The following PLEKHA1 variants were observed in gnomAD, a reference collection of about 807,000 sequenced individuals.
The protein encoded by PLEKHA1 is pleckstrin homology domain-containing family A member 1.
In PLEKHA1, 34 loss-of-function variants were observed where a neutral mutation model predicts 52.0. That is an observed-to-expected ratio of 0.65 (90% CI 0.50 to 0.87). The LOEUF (loss-of-function observed/expected upper bound fraction) is 0.87, where lower values mean the gene tolerates loss of function less well. Ranked by LOEUF, PLEKHA1 falls within the 40% of genes least tolerant of loss-of-function variation. The pLI is 0.00. For missense variants in PLEKHA1, 497 were observed against 504.2 expected (o/e 0.99, Z 0.14); for synonymous variants, 163 against 170.7 (o/e 0.95, Z 0.35).
intron 1 of PLEKHA1, 185 bp from the exon 2 acceptor site, chr10:122,392,996 A>T (rs2096797400): frequency 2.2e-6 from 1 of 444,860 alleles, no homozygotes; most frequent in South Asian, 5.4e-5. Flanking sequence ...TACATTTAGT[A>T]ACCACTCTTC....
intron 1 of PLEKHA1, among the ~76,000 whole-genome samples, chr10:122,378,392 C>A (rs1254094839): frequency 6.7e-6 from 1 of 149,702 alleles, no homozygotes; most frequent in Admixed American, 6.7e-5. Flanking sequence ...TGTCCCCCAC[C>A]CCCCATAACA....
intron 1 of PLEKHA1, among the ~76,000 whole-genome samples, chr10:122,389,454 C>T (rs959051651): frequency 1.3e-5 from 2 of 152,198 alleles, no homozygotes; most frequent in African/African-American, 4.8e-5. Flanking sequence ...AATTCCAACA[C>T]TTTGGGAGGC....
At chr10:122,382,597 C>T (rs1398042863) in intron 1 of PLEKHA1, among the ~76,000 whole-genome samples, 1 of 152,140 alleles carries the variant, frequency 6.6e-6, no homozygotes, top group African/African-American at 2.4e-5. Context: ...ATTGAAGATG[C>T]TTGTGTAAAT....
intron 1 of PLEKHA1, among the ~76,000 whole-genome samples, chr10:122,386,027 C>T (rs561500207): frequency 6.6e-6 from 1 of 152,266 alleles, no homozygotes; most frequent in Admixed American, 6.5e-5. Context: ...GGGTTGTTCG[C>T]TAAGGATCTG....
At chr10:122,377,616 A>G (rs1458938337) in intron 1 of PLEKHA1, among the ~76,000 whole-genome samples, 2 of 152,248 alleles carry the variant, frequency 1.3e-5, no homozygotes, top group Non-Finnish European at 2.9e-5. Flanking sequence ...TTTTAGAAAC[A>G]TAAAAATATG....
In PLEKHA1 at chr10:122,388,338, C is replaced by G. The variant is rs142526749; in HGVS notation, c.-20-4843C>G. Among the ~76,000 whole-genome samples, 56 of 152,282 alleles carry G rather than the reference C, an allele frequency of 3.7e-4. No homozygotes were observed. In the East Asian group the frequency reaches 0.011, roughly 29 times the overall value. On this transcript the variant is annotated intron_variant, in intron 1 of 11. Coordinates refer to ENST00000368990, the MANE Select transcript of PLEKHA1 (RefSeq NM_001001974.4). Reference sequence around the variant, plus strand: ...TAGGTAGTAGCATGTATCAGTACTTCATTCCTTTTTATGTCTGAAAAATAT... The same window carrying G: ...TAGGTAGTAGCATGTATCAGTACTTGATTCCTTTTTATGTCTGAAAAATAT...
At chr10:122,422,300 G>T (rs2097271259) in intron 8 of PLEKHA1, 1 of 152,092 alleles carries the variant, frequency 6.6e-6, no homozygotes, top group Non-Finnish European at 1.5e-5. Flanking sequence ...AAATTATGAT[G>T]GGAAACCTGG....
At chr10:122,376,132 G>C (rs192018728) in intron 1 of PLEKHA1, among the ~76,000 whole-genome samples, 35 of 152,258 alleles carry the variant, frequency 2.3e-4, no homozygotes, top group Non-Finnish European at 3.5e-4. Flanking sequence ...TTGTGAAACT[G>C]TGTTTTTCTT....
intron 1 of PLEKHA1, among the ~76,000 whole-genome samples, chr10:122,376,634 A>G (rs2096542341): frequency 6.6e-6 from 1 of 151,986 alleles, no homozygotes; most frequent in Non-Finnish European, 1.5e-5. Context: ...GAGGGGGGAA[A>G]GTAGCAGGTT....
In PLEKHA1 at chr10:122,393,309, G is replaced by A; in HGVS notation, c.109G>A (p.Asp37Asn). 1 of 1,612,342 alleles carries A rather than the reference G, an allele frequency of 6.2e-7. No individual in the cohort carries two copies. The highest frequency in any genetic ancestry group is 1.1e-5 in the South Asian group (1 of 90,526). The part of the protein sequence containing the change: ...RRYFILDTRE[D>N]SFVWYMDNPQ... ...GTACTTCATACTGGATACCAGAGAA[G>A]ATAGTTTCGTGTGGTACATGGATAA... The change falls in exon 2 of 12, where the codon GAT (aspartate) becomes AAT (asparagine). Residue 37 changes from aspartate (D) to asparagine (N), a missense_variant. Asp to Asn is a conservative substitution (Grantham distance 23). Transcript: ENST00000368990. This position sits in a 1 kb window ranked among gnomAD's most constrained non-coding sequence, Gnocchi z 4.5.
chr10:122,428,808 G>T (rs1373805990), intron 11 of PLEKHA1, among the ~76,000 whole-genome samples: 1 of 152,126 alleles, frequency 6.6e-6, no homozygotes, highest in African/African-American at 2.4e-5. Context: ...GTAGCACTTT[G>T]ATTTCAAAGC....
At chr10:122,436,120 T>A (rs989211068), downstream of PLEKHA1, 1 of 152,162 alleles carries the variant, frequency 6.6e-6, no homozygotes, top group Admixed American at 6.5e-5. Context: ...CAGAGTCAGA[T>A]TAGGCTTGAA....
the PLEKHA1 span, chr10:122,437,566 G>A: frequency 6.6e-6 from 1 of 152,244 alleles, no homozygotes; most frequent in Admixed American, 6.5e-5. Flanking sequence ...AGAGAATGAA[G>A]ATGAAAGAAG....
At chr10:122,376,964 A>G (rs993595842) in intron 1 of PLEKHA1, among the ~76,000 whole-genome samples, 6 of 152,250 alleles carry the variant, frequency 3.9e-5, no homozygotes, top group Non-Finnish European at 7.3e-5. Context: ...CCCCCCACAA[A>G]AAACATTTAA....
Position 122,385,311 on chromosome 10 carries a change from CTTT to C in PLEKHA1, c.-20-7849_-20-7847del, listed in dbSNP as rs1196217497. Among the ~76,000 whole-genome samples the C allele has an allele frequency of 5.8e-3, 559 of 96,460 alleles. 2 individuals carry two copies. Among genetic ancestry groups the C allele is most frequent in the African/African-American group, 0.022 (502 of 22,402 alleles). 63.3% of individuals were successfully genotyped at this position (96,460 alleles called of 152,430 possible). ...AAAGGCTGTATCCTTTTGTGTCTGG[CTTT>C]TTTTTTTTTTTTTTTTTTTTGAGGC... On this transcript the variant is annotated intron_variant, in intron 1 of 11. Transcript: ENST00000368990.
intron 5 of PLEKHA1, among the ~76,000 whole-genome samples, chr10:122,409,842 G>A (rs2097082517): frequency 6.6e-6 from 1 of 150,654 alleles, no homozygotes; most frequent in Non-Finnish European, 1.5e-5. Flanking sequence ...GTACAGTGGT[G>A]CTATCCCAGC....
In PLEKHA1 at chr10:122,429,657, G is replaced by C. The variant is rs765456729; in HGVS notation, c.934G>C (p.Ala312Pro). ...CCCCGGTCCTTCAGAATCCAAACAC[G>C]CTTTCCGTCCTACCAACGCAGCCAC... ...HPPGPSESKH[A>P]FRPTNAATAT... The change falls in exon 12 of 12, where the codon GCT becomes CCT. Residue 312 changes from alanine to proline, a missense_variant. Coordinates refer to ENST00000368990, the MANE Select transcript of PLEKHA1 (RefSeq NM_001001974.4). The C allele has an allele frequency of 6.2e-7, 1 of 1,613,990 alleles. No homozygotes were observed. The highest frequency in any genetic ancestry group is 2.2e-5 in the East Asian group (1 of 44,868).
intron 7 of PLEKHA1, among the ~76,000 whole-genome samples, chr10:122,417,550 G>A (rs1005624618): frequency 3.3e-5 from 5 of 149,702 alleles, no homozygotes; most frequent in Non-Finnish European, 7.4e-5. Context: ...TCGAGAGGCT[G>A]ATGCAGGAGA....
chr10:122,412,807 A>T, intron 5 of PLEKHA1, 113 bp from the exon 6 acceptor site: 1 of 1,132,730 alleles, frequency 8.8e-7, no homozygotes, highest in Non-Finnish European at 1.3e-6. Context: ...TATAATTTTT[A>T]TATGTATCTG....
Sources: allele counts gnomAD v4.1 joint callset (sites outside exome capture counted in the v4.1 genomes callset), GRCh38; gene constraint gnomAD v4.1.1; non-coding constraint Gnocchi (gnomAD v3.1); transcripts MANE v1.5; gene names NCBI Gene and HGNC (gene_info 2026-07-23, HGNC 2026-07-21).